The following OPHN1 variants were observed in gnomAD, a reference collection of about 807,000 sequenced individuals.
OPHN1 encodes oligophrenin 1, also known as oligophrenin-1.
A neutral mutation model predicts 60.7 loss-of-function variants in OPHN1; 11 were observed. The observed-to-expected ratio is 0.18, with a 90% CI of 0.11 to 0.30. OPHN1 has a LOEUF of 0.30. Ranked by LOEUF, OPHN1 falls within the 10% of genes least tolerant of loss-of-function variation. The pLI, the probability that OPHN1 is intolerant of heterozygous loss-of-function variation, is 1.00. For missense variants in OPHN1, 449 were observed against 611.0 expected, an observed-to-expected ratio of 0.73 and a Z score of 2.80; for synonymous variants, 226 against 222.6, an observed-to-expected ratio of 1.02 and a Z score of -0.14.
At chrX:68,410,015 C>A (rs771758621) in intron 2 of OPHN1, among the ~76,000 whole-genome samples, 16 of 111,464 alleles carry the variant, frequency 1.4e-4, no homozygotes, top group Non-Finnish European at 1.3e-4. Flanking sequence ...AACCCCTGGC[C>A]GAATGAATCA....
At chrX:68,364,555 A>T (rs1352501651) in intron 2 of OPHN1, among the ~76,000 whole-genome samples, 2 of 111,915 alleles carry the variant, frequency 1.8e-5, no homozygotes, top group African/African-American at 3.2e-5. Flanking sequence ...TGTTTCCATC[A>T]GGATGTAATT....
At chrX:68,167,956 A>T (rs1001656159) in intron 15 of OPHN1, among the ~76,000 whole-genome samples, 1 of 111,323 alleles carries the variant, frequency 9.0e-6, no homozygotes, top group Non-Finnish European at 1.9e-5. Flanking sequence ...CATTACGTTA[A>T]GGAAAATAAG....
rs180948181 is a variant in OPHN1 at position 68,210,528 on chromosome X, T to C, written c.703-246A>G. ...TCATAAAATAACAACTGGGAGGCTT[T>C]TTACTAATACGAATCACATAAGGCC... On this transcript the variant is annotated intron_variant, in intron 8 of 24. Coordinates refer to ENST00000355520, the MANE Select transcript of OPHN1 (RefSeq NM_002547.3). Among the ~76,000 whole-genome samples, 198 of 111,886 alleles carry C rather than the reference T, an allele frequency of 1.8e-3. 2 individuals carry two copies. Among genetic ancestry groups the C allele is most frequent in the African/African-American group, 6.1e-3 (188 of 30,864 alleles).
intron 15 of OPHN1, among the ~76,000 whole-genome samples, chrX:68,129,910 T>C (rs1478063970): frequency 1.8e-5 from 2 of 111,854 alleles, no homozygotes; most frequent in Non-Finnish European, 3.8e-5. Context: ...ATGACTAATG[T>C]GAGGATTGAT....
chrX:68,419,543 T>TC, intron 2 of OPHN1, among the ~76,000 whole-genome samples: 1 of 102,810 alleles, frequency 9.7e-6, no homozygotes, highest in Non-Finnish European at 2.0e-5. Context: ...TAACAATTTT[T>TC]TTTTTTTTTT....
intron 2 of OPHN1, among the ~76,000 whole-genome samples, chrX:68,358,045 T>A (rs1270142950): frequency 9.2e-6 from 1 of 108,500 alleles, no homozygotes; most frequent in South Asian, 4.0e-4. Context: ...AATCCCAGCA[T>A]TTTAGGAGGC....
At chrX:68,340,785 C>T (rs942012256) in intron 2 of OPHN1, among the ~76,000 whole-genome samples, 11 of 110,983 alleles carry the variant, frequency 9.9e-5, no homozygotes, top group Non-Finnish European at 1.9e-4. Flanking sequence ...GGGTGGATCA[C>T]CTGAGGTCAG....
intron 2 of OPHN1, among the ~76,000 whole-genome samples, chrX:68,364,384 T>C: frequency 8.9e-6 from 1 of 112,560 alleles, no homozygotes; most frequent in African/African-American, 3.2e-5. Flanking sequence ...CTGTTTCATC[T>C]TTGTACTTTA....
intron 3 of OPHN1, among the ~76,000 whole-genome samples, chrX:68,286,030 C>T (rs935704546): frequency 3.6e-5 from 4 of 110,966 alleles, no homozygotes; most frequent in African/African-American, 6.5e-5. Context: ...AGGGCTTCCT[C>T]GGGGGCAGGT....
chrX:68,253,761 A>AT (rs2077847459), intron 5 of OPHN1, among the ~76,000 whole-genome samples: 1 of 112,111 alleles, frequency 8.9e-6, no homozygotes, highest in South Asian at 3.7e-4. Context: ...CAAATCTACT[A>AT]TATTGACTTC....
chrX:68,305,420 T>C (rs2078140416), intron 2 of OPHN1, among the ~76,000 whole-genome samples: 2 of 112,021 alleles, frequency 1.8e-5, no homozygotes, highest in Non-Finnish European at 3.8e-5. Context: ...CATGGGGGCT[T>C]TGAAAAGTTG....
At chrX:68,060,034 T>C (rs924357982) in intron 21 of OPHN1, among the ~76,000 whole-genome samples, 3 of 111,475 alleles carry the variant, frequency 2.7e-5, no homozygotes, top group Non-Finnish European at 3.8e-5. Flanking sequence ...TTATACCTGA[T>C]TAAATAAACA....
At chrX:68,267,300 T>A (rs2077935879) in intron 5 of OPHN1, among the ~76,000 whole-genome samples, 1 of 111,450 alleles carries the variant, frequency 9.0e-6, no homozygotes, top group Admixed American at 9.6e-5. Context: ...TCAGCACATG[T>A]AAAAGAACAG....
At chrX:68,317,097 G>C (rs1009302073) in intron 2 of OPHN1, among the ~76,000 whole-genome samples, 1 of 108,425 alleles carries the variant, frequency 9.2e-6, no homozygotes, top group Non-Finnish European at 1.9e-5. Flanking sequence ...CCAGGAGCTC[G>C]AGAAAGGCCT....
At chrX:68,306,993 G>T (rs2078148376) in intron 2 of OPHN1, among the ~76,000 whole-genome samples, 1 of 111,071 alleles carries the variant, frequency 9.0e-6, no homozygotes, top group Non-Finnish European at 1.9e-5. Context: ...CAAAGTGATG[G>T]GATTACAGGT....
chrX:68,178,627 C>A (rs1208243138), intron 15 of OPHN1, among the ~76,000 whole-genome samples: 2 of 111,630 alleles, frequency 1.8e-5, no homozygotes, highest in African/African-American at 3.3e-5. Context: ...TGGTCTCAAA[C>A]TCCTGACCTC....
intron 19 of OPHN1, among the ~76,000 whole-genome samples, chrX:68,088,200 G>A (rs150158782): frequency 5.1e-4 from 57 of 111,477 alleles, no homozygotes; most frequent in Middle Eastern, 4.6e-3. Context: ...ATGCCCAATC[G>A]GGTGTCATTT....
intron 2 of OPHN1, among the ~76,000 whole-genome samples, chrX:68,305,103 G>T (rs2078138965): frequency 9.0e-6 from 1 of 111,617 alleles, no homozygotes; most frequent in East Asian, 2.8e-4. Flanking sequence ...GACACGCCAG[G>T]CTTGGTGGCT....
intron 16 of OPHN1, among the ~76,000 whole-genome samples, chrX:68,114,827 C>T (rs1448775834): frequency 9.0e-6 from 1 of 111,474 alleles, no homozygotes; most frequent in Non-Finnish European, 1.9e-5. Context: ...AGAACTCCTT[C>T]TTTGATTGGG....
Sources: gnomAD v4.1 joint callset for allele counts (sites outside exome capture counted in the v4.1 genomes callset) on GRCh38, gnomAD v4.1.1 for gene constraint, MANE v1.5 for transcripts, NCBI Gene and HGNC (gene_info 2026-07-23, HGNC 2026-07-21) for gene names.